ABCA13: variants seen among roughly 807,000 people sequenced by gnomAD.
ABCA13 encodes ATP-binding cassette sub-family A member 13.
A neutral mutation model predicts 478.7 loss-of-function variants in ABCA13; 476 were observed. The ratio of observed to expected loss-of-function variants is 0.99; its 90% CI spans 0.92 to 1.07. ABCA13 has a LOEUF of 1.07. Among genes scored for constraint, ABCA13 ranks in the 50% least tolerant of loss-of-function variants. The probability of loss-of-function intolerance (pLI) is 0.00; values close to 1 mark genes in which losing one functional copy is unlikely to be tolerated. For missense variants in ABCA13, 6,060 were observed against 5,910.6 expected (o/e 1.03, Z -0.83); for synonymous variants, 2,252 against 2,158.9 (o/e 1.04, Z -1.20).
chr7:48,269,020 T>C lies in ABCA13; in HGVS notation c.2046T>C (p.Asp682=), dbSNP rs764023970. ...EESPCFEENM[D]WKMISDNYFQ... is the part of the protein sequence containing the mutation. The stretch of plus-strand genomic sequence containing the variant: ...CTCCTTGTTTTGAAGAAAACATGGA[T>C]TGGAAAATGATCAGTGATAATTATT... Residue 682 remains aspartate (D), a synonymous_variant, in exon 16 of 62, where the codon GAT becomes GAC. Transcript: ENST00000435803. The C allele has an allele frequency of 1.9e-6, 3 of 1,601,434 alleles. No individual in the cohort carries two copies. In the African/African-American group the frequency reaches 4.0e-5, roughly 21 times the overall value.
intron 23 of ABCA13, among the ~76,000 whole-genome samples, chr7:48,300,902 C>T (rs900959882): frequency 6.6e-6 from 1 of 152,174 alleles, no homozygotes; most frequent in Non-Finnish European, 1.5e-5. Flanking sequence ...ATGCTGTGTT[C>T]CTATGTTTTA....
chr7:48,568,080 G>A (rs898680427), intron 55 of ABCA13, among the ~76,000 whole-genome samples: 7 of 152,044 alleles, frequency 4.6e-5, no homozygotes, highest in African/African-American at 1.7e-4. Context: ...CAACAATTCA[G>A]TGATTTTTAC....
intron 1 of ABCA13, among the ~76,000 whole-genome samples, chr7:48,187,894 GTTTTCT>G (rs1424617180): frequency 2.0e-5 from 3 of 151,798 alleles, no homozygotes; most frequent in Non-Finnish European, 4.4e-5. Context: ...ACTTCCTTTT[GTTTTCT>G]TTTTCTTTTT....
intron 27 of ABCA13, 48 bp from the exon 28 acceptor site, chr7:48,335,374 A>G (rs754143264): frequency 6.5e-6 from 9 of 1,382,718 alleles, no homozygotes; most frequent in Non-Finnish European, 9.1e-6. Context: ...ATTTATCTTA[A>G]TATAACAGCT....
At chr7:48,259,808 T>C (rs1421010089) in intron 15 of ABCA13, among the ~76,000 whole-genome samples, 1 of 152,074 alleles carries the variant, frequency 6.6e-6, no homozygotes, top group African/African-American at 2.4e-5. Context: ...TCTTGTGGTA[T>C]TGAATTCCCT....
intron 29 of ABCA13, 38 bp downstream of exon 29, chr7:48,338,493 C>T: frequency 1.3e-6 from 2 of 1,514,166 alleles, no homozygotes; most frequent in South Asian, 1.3e-5. Context: ...TTCTTCTGCC[C>T]ATATGGCTCT....
intron 55 of ABCA13, among the ~76,000 whole-genome samples, chr7:48,545,877 G>A (rs1423910191): frequency 6.6e-6 from 1 of 151,796 alleles, no homozygotes; most frequent in African/African-American, 2.4e-5. Flanking sequence ...ATGGAGGATA[G>A]AAAGAGGTCT....
chr7:48,633,493 A>G (rs191055037), intron 59 of ABCA13, among the ~76,000 whole-genome samples: 6 of 152,272 alleles, frequency 3.9e-5, no homozygotes, highest in Non-Finnish European at 8.8e-5. Context: ...TGCTCATGAA[A>G]CATACTCTCA....
At chr7:48,465,223 A>G (rs539146176) in intron 43 of ABCA13, among the ~76,000 whole-genome samples, 1 of 152,358 alleles carries the variant, frequency 6.6e-6, no homozygotes, top group Non-Finnish European at 1.5e-5. Flanking sequence ...TCAGATTGGT[A>G]TGTTAGAAGA....
At chr7:48,484,736 C>G (rs1023656818) in intron 47 of ABCA13, among the ~76,000 whole-genome samples, 1 of 152,240 alleles carries the variant, frequency 6.6e-6, no homozygotes, top group Admixed American at 6.5e-5. Context: ...ATTTACGTGT[C>G]CTTCACCAGG....
rs1802026843 is a variant in ABCA13 at position 48,313,180 on chromosome 7, T to A, written c.9630T>A (p.Phe3210Leu). 6.2e-7 allele frequency: 1 copy of A among 1,612,848 alleles called. No homozygotes were observed. Among genetic ancestry groups the A allele is most frequent in the African/African-American group, 1.3e-5 (1 of 74,936 alleles). Residue 3210 changes from phenylalanine (F) to leucine (L), a missense_variant, in exon 25 of 62, where the codon TTT becomes TTA. Around this residue, in one of 3 missense-constraint regions of ABCA13, gnomAD observed 4,423 missense variants for 4,309.1 expected, o/e 1.03. Transcript: ENST00000435803. The part of the protein sequence containing the change: ...AQHVFEYLPE[F>L]LHTFKITALL... The stretch of plus-strand genomic sequence containing the variant: ...ACGTCTTTGAGTATCTTCCTGAGTT[T>A]CTTCACACATTTAAAATCACTGCCT...
chr7:48,188,870 G>C (rs1796708704), intron 1 of ABCA13, among the ~76,000 whole-genome samples: 1 of 152,186 alleles, frequency 6.6e-6, no homozygotes, highest in East Asian at 1.9e-4. Context: ...ACAGGGATCT[G>C]GGCATCCACG....
chr7:48,588,281 C>T (rs2131400532), intron 57 of ABCA13, among the ~76,000 whole-genome samples: 1 of 152,328 alleles, frequency 6.6e-6, no homozygotes, highest in East Asian at 1.9e-4. Context: ...ACCATTTGCA[C>T]AATCCTGAAG....
intron 3 of ABCA13, among the ~76,000 whole-genome samples, chr7:48,214,619 C>T (rs568001628): frequency 2.0e-4 from 30 of 152,312 alleles, no homozygotes; most frequent in South Asian, 6.2e-4. Context: ...TCAATGCTTA[C>T]ATCTTCACCT....
In ABCA13 at chr7:48,241,012, T is replaced by G; in HGVS notation, c.1208T>G (p.Leu403Arg). Residue 403 changes from leucine (L) to arginine (R), a missense_variant, in exon 10 of 62, where the codon CTG becomes CGG. This residue lies in a region of ABCA13 where 4,423 missense variants were observed against 4,309.1 expected (regional missense o/e 1.03). Transcript: ENST00000435803. ...VEALHTALLL[L>R]NDSLSADGPK... ...GCTCTGCACACTGCACTGCTCCTGC[T>G]GAATGACAGCTTGTCAGCAGATGGC... The G allele has an allele frequency of 6.2e-7, 1 of 1,614,066 alleles. No homozygotes were observed. Among genetic ancestry groups the G allele is most frequent in the East Asian group, 2.2e-5 (1 of 44,892 alleles).
intron 55 of ABCA13, among the ~76,000 whole-genome samples, chr7:48,529,744 GAACT>G (rs1833100069): frequency 6.6e-6 from 1 of 151,140 alleles, no homozygotes; most frequent in Non-Finnish European, 1.5e-5. Flanking sequence ...AATTTGGAAA[GAACT>G]AACATTTGAC....
In ABCA13 at chr7:48,281,056, A is replaced by G. The variant is rs772831753; in HGVS notation, c.8727-287A>G. 1.0e-3 allele frequency among the ~76,000 whole-genome samples: 152 copies of G among 152,310 alleles called. 1 individual carries two copies. Among genetic ancestry groups the G allele is most frequent in the Non-Finnish European group, 9.4e-4 (64 of 68,032 alleles). ...CATCATGTTTTGACACCTTTTCAAC[A>G]TTTACCTTTGCATTTCAAAAGAATA... is the stretch of plus-strand genomic sequence containing the variant. On this transcript the variant is annotated intron_variant, in intron 18 of 61. Transcript: ENST00000435803.
intron 49 of ABCA13, 139 bp from the exon 50 acceptor site, chr7:48,507,733 T>G (rs1831336653): frequency 1.0e-6 from 1 of 995,310 alleles, no homozygotes; most frequent in Non-Finnish European, 1.4e-6. Context: ...AGGGAATCCA[T>G]GCCCTTAGCC....
At chr7:48,478,205 GATAT>G (rs937332316) in intron 45 of ABCA13, among the ~76,000 whole-genome samples, 2 of 145,830 alleles carry the variant, frequency 1.4e-5, no homozygotes. Flanking sequence ...AAAATGATAT[GATAT>G]ATATACATAT....
Sources: gnomAD v4.1 joint callset for allele counts (sites outside exome capture counted in the v4.1 genomes callset) on GRCh38, gnomAD v4.1.1 for gene constraint, gnomAD v4.1.1 regional missense constraint, MANE v1.5 for transcripts, NCBI Gene and HGNC (gene_info 2026-07-23, HGNC 2026-07-21) for gene names.